Variants in NTAQ1 observed in about 807,000 individuals in gnomAD.
NTAQ1 encodes protein N-terminal glutamine amidohydrolase.
NTAQ1 carries 21 observed loss-of-function variants against 28.2 expected under a neutral mutation model. The ratio of observed to expected loss-of-function variants is 0.74; its 90% CI spans 0.53 to 1.07. NTAQ1 has a LOEUF of 1.07. Ranked by LOEUF, NTAQ1 falls within the 50% of genes least tolerant of loss-of-function variation. NTAQ1 has a pLI of 0.00. For synonymous variants in NTAQ1, 105 were observed against 90.0 expected, an observed-to-expected ratio of 1.17 and a Z score of -0.94; for missense variants, 264 against 256.6, an observed-to-expected ratio of 1.03 and a Z score of -0.20.
chr8:123,439,084 G>A (rs1814889925), intron 5 of NTAQ1, among the ~76,000 whole-genome samples: 3 of 152,250 alleles, frequency 2.0e-5, no homozygotes, highest in Admixed American at 2.0e-4. Flanking sequence ...AATTCCTTTT[G>A]TTTTGATGAC....
At chr8:123,467,983 A>G (rs920910463) in exon 7 of NTAQ1, among the ~76,000 whole-genome samples, 2 of 152,118 alleles carry the variant, frequency 1.3e-5, no homozygotes, top group Non-Finnish European at 2.9e-5. Flanking sequence ...CCTGACCTCA[A>G]GTGATCCACC....
intron 6 of NTAQ1, among the ~76,000 whole-genome samples, chr8:123,463,472 T>C (rs948232881): frequency 1.2e-4 from 19 of 152,256 alleles, no homozygotes; most frequent in African/African-American, 4.1e-4. Flanking sequence ...TGCCATGCTT[T>C]ATTAAGTTTC....
chr8:123,445,067 A>C (rs1048786799), downstream of NTAQ1, among the ~76,000 whole-genome samples: 1 of 152,202 alleles, frequency 6.6e-6, no homozygotes, highest in Non-Finnish European at 1.5e-5. Flanking sequence ...TAATTAAAAA[A>C]TAGATGGTAC....
chr8:123,435,210 C>A (rs1262850324), intron 3 of NTAQ1, among the ~76,000 whole-genome samples: 2 of 152,138 alleles, frequency 1.3e-5, no homozygotes, highest in East Asian at 3.9e-4. Flanking sequence ...TCCCTGAAAT[C>A]CCTTTCAGCT....
At chr8:123,428,109 G>A (rs182356673) in intron 2 of NTAQ1, 86 bp downstream of exon 2, 11 of 917,250 alleles carry the variant, frequency 1.2e-5, no homozygotes, top group Middle Eastern at 2.3e-4. Context: ...GCTAAATATA[G>A]CATGGGTGTA....
At chr8:123,441,271 T>G in intron 5 of NTAQ1, 35 bp from the exon 6 acceptor site, 1 of 1,558,004 alleles carries the variant, frequency 6.4e-7, no homozygotes, top group Non-Finnish European at 8.7e-7. Flanking sequence ...AAATTGTGTT[T>G]TCAGTGGACA....
chr8:123,425,367 C>T (rs1443625056), intron 1 of NTAQ1, among the ~76,000 whole-genome samples: 1 of 152,034 alleles, frequency 6.6e-6, no homozygotes, highest in African/African-American at 2.4e-5. Context: ...GCTGGGATTA[C>T]AGACGTAAGC....
At chr8:123,466,797 C>A (rs1438304392) in intron 6 of NTAQ1, among the ~76,000 whole-genome samples, 6 of 152,070 alleles carry the variant, frequency 3.9e-5, no homozygotes, top group Admixed American at 3.9e-4. Flanking sequence ...TTTTGAGGAA[C>A]CTCCATTCTG....
chr8:123,449,881 C>G (rs1051057056), downstream of NTAQ1, among the ~76,000 whole-genome samples: 1 of 139,482 alleles, frequency 7.2e-6, no homozygotes, highest in Admixed American at 7.7e-5. Context: ...CTCTCTCTCT[C>G]TCTCTCTCTC....
intron 6 of NTAQ1, among the ~76,000 whole-genome samples, chr8:123,459,333 G>C (rs1308072316): frequency 6.6e-6 from 1 of 152,146 alleles, no homozygotes; most frequent in Non-Finnish European, 1.5e-5. Context: ...TCCCCATGGA[G>C]TTGGGGTGCA....
chr8:123,473,904 G>GT (rs1248713937), downstream of NTAQ1, among the ~76,000 whole-genome samples: 6 of 148,870 alleles, frequency 4.0e-5, no homozygotes, highest in South Asian at 2.1e-4. Context: ...GGAAGTAAAA[G>GT]TTTTTTTTTT....
intron 6 of NTAQ1, among the ~76,000 whole-genome samples, chr8:123,464,291 G>T (rs1815910329): frequency 6.6e-6 from 1 of 152,184 alleles, no homozygotes; most frequent in African/African-American, 2.4e-5. Context: ...TGTGATCACG[G>T]TAACTCCCTT....
chr8:123,453,703 G>C (rs1423046455), intron 6 of NTAQ1, among the ~76,000 whole-genome samples: 2 of 152,134 alleles, frequency 1.3e-5, no homozygotes, highest in Non-Finnish European at 2.9e-5. Flanking sequence ...TGGGATTACA[G>C]GTGTGAGTCA....
At chr8:123,423,973 C>T (rs1375409578) in intron 1 of NTAQ1, among the ~76,000 whole-genome samples, 1 of 151,246 alleles carries the variant, frequency 6.6e-6, no homozygotes, top group African/African-American at 2.4e-5. Context: ...ACCTCTGCCT[C>T]TCGGGTTCAA....
intron 6 of NTAQ1, among the ~76,000 whole-genome samples, chr8:123,460,182 C>T (rs911561616): frequency 2.0e-5 from 3 of 152,124 alleles, no homozygotes; most frequent in Non-Finnish European, 2.9e-5. Flanking sequence ...TGAGAGAACC[C>T]CTAATGACAG....
intron 3 of NTAQ1, among the ~76,000 whole-genome samples, chr8:123,434,445 G>A (rs1377136024): frequency 1.3e-5 from 2 of 152,070 alleles, no homozygotes; most frequent in Admixed American, 1.3e-4. Context: ...TGGTCAACAT[G>A]GTGAAACCCC....
chr8:123,469,055 T>C (rs530708445), exon 7 of NTAQ1, among the ~76,000 whole-genome samples: 2 of 152,216 alleles, frequency 1.3e-5, no homozygotes, highest in East Asian at 3.8e-4. Context: ...TTTGCCCGTT[T>C]TTTAATTGGG....
In NTAQ1 at chr8:123,435,505, G is replaced by A. The variant is rs1260873086; in HGVS notation, c.235-948G>A. ...CAGATCCTTGCAGACGTTTTCCTCT[G>A]CATTCACATGCATGCAAATGTACTT... On this transcript the variant is annotated intron_variant, in intron 3 of 5. Transcript: ENST00000287387. The A allele has an allele frequency of 9.1e-6, 9 of 985,304 alleles. No homozygotes were observed. The Admixed American group carries it at 1.8e-4, about 20-fold the overall frequency. 61.0% of individuals were successfully genotyped at this position (985,304 alleles called of 1,614,324 possible). A position where few individuals can be genotyped will look rare whatever the true frequency, so the allele number is the denominator to read the frequency against.
At chr8:123,471,178 G>A (rs905300085), downstream of NTAQ1, among the ~76,000 whole-genome samples, 3 of 151,818 alleles carry the variant, frequency 2.0e-5, no homozygotes, top group African/African-American at 7.3e-5. Flanking sequence ...CAGTCCTCCT[G>A]CCTTGGCCTC....
Sources: allele counts gnomAD v4.1 joint callset (sites outside exome capture counted in the v4.1 genomes callset), GRCh38; gene constraint gnomAD v4.1.1; transcripts MANE v1.5; gene names NCBI Gene and HGNC (gene_info 2026-07-23, HGNC 2026-07-21).